The following HTATSF1 variants were observed in gnomAD, a reference collection of about 807,000 sequenced individuals.
HTATSF1 encodes 17S U2 SnRNP complex component HTATSF1.
A neutral mutation model predicts 46.1 loss-of-function variants in HTATSF1; 6 were observed. The ratio of observed to expected loss-of-function variants is 0.13; its 90% confidence interval spans 0.07 to 0.26. HTATSF1 has a LOEUF of 0.26. Among genes scored for constraint, HTATSF1 ranks in the 10% least tolerant of loss-of-function variants. HTATSF1 has a pLI of 1.00. For missense variants in HTATSF1, 452 were observed against 559.9 expected (o/e 0.81, Z 1.94); for synonymous variants, 226 against 211.5 (o/e 1.07, Z -0.60).
rs755293952 is a variant in HTATSF1 at position 136,497,979 on chromosome X, C to T, written c.186+109C>T. 1.6e-4 allele frequency: 77 copies of T among 494,760 alleles called. No homozygotes were observed. In the South Asian group the frequency reaches 4.7e-3, roughly 30 times the overall value. The allele number at this position is 494,760 out of a possible 1,213,427, so 40.8% of individuals were successfully genotyped here. The stretch of plus-strand genomic sequence containing the variant: ...GATCCTTGGTCCTTGGTCCTAGCCC[C>T]CTTGAATAGCGACGCTTCTTTTTGT... On this transcript the variant is annotated intron_variant, in intron 1 of 8. Coordinates refer to ENST00000218364, the MANE Select transcript of HTATSF1 (RefSeq NM_014500.5).
chrX:136,497,815 A>T lies in HTATSF1; in HGVS notation c.131A>T (p.Gln44Leu), dbSNP rs1209453073. Residue 44 changes from glutamine (Q) to leucine (L), a missense_variant, in exon 1 of 9, where the codon CAG becomes CTG. Transcript: ENST00000218364. ...AGGEPDSLGQ[Q>L]PTDTPYEWDL... Reference sequence around the variant, plus strand: ...GGAGAACCCGATTCTCTCGGGCAGCAGCCGACGGACACTCCCTACGAGTGG... The same window carrying T: ...GGAGAACCCGATTCTCTCGGGCAGCTGCCGACGGACACTCCCTACGAGTGG... 5 of 1,196,148 alleles carry T rather than the reference A, an allele frequency of 4.2e-6. No individual in the cohort carries two copies. The highest frequency in any genetic ancestry group is 1.8e-5 in the African/African-American group (1 of 57,035).
At chrX:136,504,281 T>C (rs989222924) in intron 5 of HTATSF1, 83 bp from the exon 6 acceptor site, 18 of 595,352 alleles carry the variant, frequency 3.0e-5, no homozygotes, top group Middle Eastern at 3.3e-4. Flanking sequence ...CAGTAAAGTA[T>C]TGTATGAACA....
intron 6 of HTATSF1, 54 bp downstream of exon 6, chrX:136,504,517 A>C (rs1274494349): frequency 3.1e-6 from 3 of 962,238 alleles, no homozygotes; most frequent in Non-Finnish European, 4.4e-6. Flanking sequence ...TTTTCTCTCA[A>C]GGGAGCCTGG....
At chrX:136,509,314 A>G (rs1298485107) in intron 7 of HTATSF1, 134 bp downstream of exon 7, 5 of 458,895 alleles carry the variant, frequency 1.1e-5, no homozygotes, top group Non-Finnish European at 1.9e-5. Context: ...TGTGATAATC[A>G]TCTATTAGCA....
Position 136,511,887 on chromosome X carries a change from T to C in HTATSF1, c.2142T>C (p.Ser714=). The change falls in exon 9 of 9, where the codon AGT becomes AGC. Residue 714 remains serine (S), a synonymous_variant. Transcript: ENST00000218364. ...EKLFDEEEDS[S]EKLFDDSDER... ...TGTTTGATGAGGAGGAAGATTCCAG[T>C]GAGAAGTTGTTTGACGATTCTGATG... 1.7e-6 allele frequency: 2 copies of C among 1,211,726 alleles called. No individual in the cohort carries two copies. The highest frequency in any genetic ancestry group is 2.2e-6 in the Non-Finnish European group (2 of 895,447).
At chrX:136,509,955 T>G in intron 7 of HTATSF1, 127 bp from the exon 8 acceptor site, 1 of 582,972 alleles carries the variant, frequency 1.7e-6, no homozygotes, top group East Asian at 3.9e-5. Context: ...GAAGAAAGAC[T>G]TCATACATAA....
In HTATSF1 at chrX:136,499,677, T is replaced by A. The variant is rs1275500000; in HGVS notation, c.266T>A (p.Val89Asp). 8.3e-7 allele frequency: 1 copy of A among 1,202,615 alleles called. No homozygotes were observed. The highest frequency in any genetic ancestry group is 1.1e-6 in the Non-Finnish European group (1 of 891,515). Residue 89 changes from valine (V) to aspartate (D), a missense_variant, in exon 2 of 9, where the codon GTT becomes GAT. This residue lies in a region of HTATSF1 where 89 missense variants were observed against 92.3 expected (regional missense o/e 0.96). Coordinates refer to ENST00000218364, the MANE Select transcript of HTATSF1 (RefSeq NM_014500.5). Reference sequence around the variant, plus strand: ...GGCGCATCTAGTTCTACCGCAAATGTTGAAGATGTCCATGCTAGGACTGCA... The same window carrying A: ...GGCGCATCTAGTTCTACCGCAAATGATGAAGATGTCCATGCTAGGACTGCA... The part of the protein sequence containing the change: ...NDGASSSTAN[V>D]EDVHARTAEE...
upstream of HTATSF1, chrX:136,497,485 G>T: frequency 4.3e-6 from 1 of 230,918 alleles, no homozygotes; most frequent in Non-Finnish European, 7.8e-6. Context: ...GCGCGCGCGC[G>T]GTGGGCGGGC....
chrX:136,502,900 G>A lies in HTATSF1; in HGVS notation c.693G>A (p.Lys231=), dbSNP rs761171241. Residue 231 remains lysine, a synonymous_variant, in exon 5 of 9, where the codon AAG becomes AAA. Transcript: ENST00000218364. The part of the protein sequence containing the change: ...KGEYDASKKK[K]KCKDYKKKLS... Reference sequence around the variant, plus strand: ...AATATGATGCCTCAAAGAAGAAGAAGAAGTGCAAAGACTATAAGAAGAAGC... The same window carrying A: ...AATATGATGCCTCAAAGAAGAAGAAAAAGTGCAAAGACTATAAGAAGAAGC... The A allele has an allele frequency of 3.5e-6, 4 of 1,152,437 alleles. No homozygotes were observed. Among genetic ancestry groups the A allele is most frequent in the African/African-American group, 3.6e-5 (2 of 55,268 alleles). The allele number at this position is 1,152,437 out of a possible 1,213,427, so 95.0% of individuals were successfully genotyped here.
At chrX:136,498,878 T>C (rs1219370835) in intron 1 of HTATSF1, among the ~76,000 whole-genome samples, 4 of 112,897 alleles carry the variant, frequency 3.5e-5, no homozygotes, top group African/African-American at 1.3e-4. Context: ...TTTTACATTT[T>C]CCCCATTCCA....
chrX:136,504,383 G>A lies in HTATSF1; in HGVS notation c.754G>A (p.Glu252Lys). Reference protein sequence around the residue: ...MQQKQLDWRPERRAGPSRMRH... With the variant: ...MQQKQLDWRPKRRAGPSRMRH... ...CCTCAGGCAGTTGGATTGGAGACCT[G>A]AGAGGCGAGCCGGACCATCCCGGAT... is the stretch of plus-strand genomic sequence containing the variant. The change falls in exon 6 of 9, where the codon GAG becomes AAG. Residue 252 changes from glutamate to lysine, a missense_variant. Glu to Lys is a moderately conservative substitution (Grantham distance 56). This residue lies in a region of HTATSF1 where 117 missense variants were observed against 222.2 expected (regional missense o/e 0.53). Coordinates refer to ENST00000218364, the MANE Select transcript of HTATSF1 (RefSeq NM_014500.5). 8.3e-7 allele frequency: 1 copy of A among 1,209,673 alleles called. No homozygotes were observed. Among genetic ancestry groups the A allele is most frequent in the Non-Finnish European group, 1.1e-6 (1 of 894,057 alleles).
Position 136,512,225 on chromosome X carries a change from C to G in HTATSF1, c.*212C>G. On this transcript the variant is annotated 3_prime_UTR_variant, in exon 9 of 9. Coordinates refer to ENST00000218364, the MANE Select transcript of HTATSF1 (RefSeq NM_014500.5). ...ATGTCATAGTTACAATGCAAGTAAACTGGATACTTGTTCTTTTGTCAGATT... is the reference window on the plus strand; with the variant it reads ...ATGTCATAGTTACAATGCAAGTAAAGTGGATACTTGTTCTTTTGTCAGATT... The G allele has an allele frequency of 3.2e-6, 1 of 316,710 alleles. No individual in the cohort carries two copies. The highest frequency in any genetic ancestry group is 5.4e-6 in the Non-Finnish European group (1 of 185,136). 26.1% of individuals were successfully genotyped at this position (316,710 alleles called of 1,213,427 possible).
rs759478222 is a variant in HTATSF1 at position 136,510,248 on chromosome X, C to T, written c.1062+29C>T. On this transcript the variant is annotated intron_variant, in intron 8 of 8. Coordinates refer to ENST00000218364, the MANE Select transcript of HTATSF1 (RefSeq NM_014500.5). The stretch of plus-strand genomic sequence containing the variant: ...AATTTTGCTGCTTGTCAAGGGCACA[C>T]ACATTGTTTCATTACCAACAAATAC... 4.5e-5 allele frequency: 54 copies of T among 1,187,429 alleles called. No individual in the cohort carries two copies. In the Middle Eastern group the frequency reaches 9.4e-4, roughly 21 times the overall value.
At chrX:136,509,301 T>C (rs2075756838) in intron 7 of HTATSF1, 121 bp downstream of exon 7, 8 of 477,978 alleles carry the variant, frequency 1.7e-5, no homozygotes, top group Non-Finnish European at 2.9e-5. Context: ...TAGTCCACTA[T>C]CTTGTGATAA....
intron 7 of HTATSF1, among the ~76,000 whole-genome samples, chrX:136,509,678 A>G (rs747739881): frequency 4.7e-4 from 53 of 112,342 alleles, no homozygotes; most frequent in Non-Finnish European, 9.0e-4. Context: ...GGTTAGCACT[A>G]TTACACCCAT....
rs778418757 is a variant in HTATSF1 at position 136,512,008 on chromosome X, A to G, written c.2263A>G (p.Ile755Val). ...ILSSDDDDDD[I>V] Reference sequence around the variant, plus strand: ...CAGTAGCGATGATGATGACGATGATATTTAATCCCTTAAACTTGCTTTTTA... The same window carrying G: ...CAGTAGCGATGATGATGACGATGATGTTTAATCCCTTAAACTTGCTTTTTA... Residue 755 changes from isoleucine to valine, a missense_variant, in exon 9 of 9, where the codon ATT becomes GTT. Transcript: ENST00000218364. The G allele has an allele frequency of 8.4e-7, 1 of 1,196,118 alleles. No homozygotes were observed. The highest frequency in any genetic ancestry group is 2.3e-5 in the Admixed American group (1 of 43,739).
chrX:136,502,293 G>A (rs1253511395), intron 4 of HTATSF1, among the ~76,000 whole-genome samples: 1 of 111,853 alleles, frequency 8.9e-6, no homozygotes. Flanking sequence ...AGTCTTTTAA[G>A]TAAGAGTATT....
intron 1 of HTATSF1, 58 bp downstream of exon 1, chrX:136,497,928 C>T (rs1382775896): frequency 4.2e-6 from 4 of 949,738 alleles, no homozygotes; most frequent in South Asian, 2.6e-5. Flanking sequence ...CCTCGCGGGG[C>T]ACTCCTTTTA....
chrX:136,504,324 G>T (rs1209102741), intron 5 of HTATSF1, 40 bp from the exon 6 acceptor site: 2 of 1,069,360 alleles, frequency 1.9e-6, no homozygotes, highest in Non-Finnish European at 2.6e-6. Flanking sequence ...CAAGTCTGAA[G>T]CAAAATTTAC....
Sources: allele counts gnomAD v4.1 joint callset (sites outside exome capture counted in the v4.1 genomes callset), GRCh38; gene constraint gnomAD v4.1.1; regional missense constraint gnomAD v4.1.1; transcripts MANE v1.5; gene names NCBI Gene and HGNC (gene_info 2026-07-23, HGNC 2026-07-21).